The following HES2 variants were observed in gnomAD, a reference collection of about 807,000 sequenced individuals.
The protein encoded by HES2 is transcription factor HES-2.
A neutral mutation model predicts 11.9 loss-of-function variants in HES2; 11 were observed. The observed-to-expected ratio is 0.92, with a 90% CI of 0.58 to 1.53. HES2 has a LOEUF of 1.53. Among genes scored for constraint, HES2 ranks in the 40% most tolerant of loss-of-function variants. The pLI is 0.00. For synonymous variants in HES2, 125 were observed against 122.8 expected (o/e 1.02, Z -0.12); for missense variants, 260 against 253.8 (o/e 1.02, Z -0.16).
chr1:6,419,578 C>A lies in HES2; in HGVS notation c.141+29G>T. On this transcript the variant is annotated intron_variant, in intron 2 of 3. Transcript: ENST00000377834. The surrounding 1 kb of genome is among the most constrained non-coding windows in gnomAD (Gnocchi z 8.1). ...CCTGCCCCCGCTCCGCGCCCCAGGA[C>A]CCTCTGCCCTCCGCCCGGGCGCGCT... 4.0e-6 allele frequency: 6 copies of A among 1,511,870 alleles called. No homozygotes were observed. Among genetic ancestry groups the A allele is most frequent in the Non-Finnish European group, 5.3e-6 (6 of 1,129,782 alleles). The allele number at this position is 1,511,870 out of a possible 1,614,324, so 93.7% of individuals were successfully genotyped here.
chr1:6,417,145 C>T lies in HES2; in HGVS notation c.*1728G>A, dbSNP rs146200604. ...CTCCGGGAGCTTACAGTCTAACCCT[C>T]TGGGCACAGGGAGGTGGGAAGATGG... On this transcript the variant is annotated 3_prime_UTR_variant, in exon 4 of 4. Coordinates refer to ENST00000377834, the MANE Select transcript of HES2 (RefSeq NM_019089.5). The T allele has an allele frequency of 6.6e-6, 1 of 152,422 alleles. No individual in the cohort carries two copies. The highest frequency in any genetic ancestry group is 2.1e-4 in the South Asian group (1 of 4,826). 9.4% of individuals were successfully genotyped at this position (152,422 alleles called of 1,614,324 possible).
rs1642886127 is a variant in HES2, at chr1:6,419,442, G to A, written c.142-102C>T. On this transcript the variant is annotated intron_variant, in intron 2 of 3. Coordinates refer to ENST00000377834, the MANE Select transcript of HES2 (RefSeq NM_019089.5). This position sits in a 1 kb window ranked among gnomAD's most constrained non-coding sequence, Gnocchi z 8.1. ...TCTAGTCGGGAGCTGGGTGTGGGGCGCGCCGTGGCCTGCTGGGGGTCCGCT... is the reference window on the plus strand; with the variant it reads ...TCTAGTCGGGAGCTGGGTGTGGGGCACGCCGTGGCCTGCTGGGGGTCCGCT... 4 of 1,221,080 alleles carry A rather than the reference G, an allele frequency of 3.3e-6. No homozygotes were observed. Among genetic ancestry groups the A allele is most frequent in the Non-Finnish European group, 4.6e-6 (4 of 877,262 alleles). The allele number at this position is 1,221,080 out of a possible 1,614,324, so 75.6% of individuals were successfully genotyped here.
chr1:6,419,779 G>C lies in HES2; in HGVS notation c.42C>G (p.Arg14=), dbSNP rs1209903681. The stretch of plus-strand genomic sequence containing the variant: ...GCCCCCAGTCCCCGGTACCCACCTT[G>C]CGCAGCTCCGCCGCGTCCCCTGCCC... ...PRRAGDAAEL[R]KSLKPLLEKR... is the part of the protein sequence containing the mutation. Residue 14 remains arginine, a synonymous_variant, in exon 1 of 4, where the codon CGC becomes CGG. Coordinates refer to ENST00000377834, the MANE Select transcript of HES2 (RefSeq NM_019089.5). This position sits in a 1 kb window ranked among gnomAD's most constrained non-coding sequence, Gnocchi z 8.1. The C allele has an allele frequency of 6.4e-7, 1 of 1,560,942 alleles. No individual in the cohort carries two copies. The highest frequency in any genetic ancestry group is 1.4e-5 in the African/African-American group (1 of 71,842).
rs899008583 is a variant in HES2, at chr1:6,416,171, C to G, written c.*2702G>C. 1 of 152,276 alleles carries G rather than the reference C, an allele frequency of 6.6e-6. No individual in the cohort carries two copies. The highest frequency in any genetic ancestry group is 2.4e-5 in the African/African-American group (1 of 41,470). The allele number at this position is 152,276 out of a possible 1,614,324, so 9.4% of individuals were successfully genotyped here. On this transcript the variant is annotated 3_prime_UTR_variant, in exon 4 of 4. Coordinates refer to ENST00000377834, the MANE Select transcript of HES2 (RefSeq NM_019089.5). ...CACATGGAGTCACAGAACCATCTTG[C>G]AACAGCATCCCAAGACCTGGCCATT...
rs1390445825 is a variant in HES2 at position 6,418,385 on chromosome 1, G to T, written c.*488C>A. 6.4e-6 allele frequency: 1 copy of T among 156,082 alleles called. No homozygotes were observed. 9.7% of individuals were successfully genotyped at this position (156,082 alleles called of 1,614,324 possible). A position where few individuals can be genotyped will look rare whatever the true frequency, so the allele number is the denominator to read the frequency against. ...GCCCTGGAAGTGACCAGAGCCCTTAGGCTACTGCTGCTGCATGCCCAGAGG... is the reference window on the plus strand; with the variant it reads ...GCCCTGGAAGTGACCAGAGCCCTTATGCTACTGCTGCTGCATGCCCAGAGG... On this transcript the variant is annotated 3_prime_UTR_variant, in exon 4 of 4. Coordinates refer to ENST00000377834, the MANE Select transcript of HES2 (RefSeq NM_019089.5).
chr1:6,418,872 G>T lies in HES2; in HGVS notation c.*1C>A. ...GCAGGGTCTGTGGATCGGCCGAGGG[G>T]CTACCACGGCCGCCAGAGGCCAGGG... On this transcript the variant is annotated 3_prime_UTR_variant, in exon 4 of 4. Transcript: ENST00000377834. 7.7e-7 allele frequency: 1 copy of T among 1,306,780 alleles called. No individual in the cohort carries two copies. Among genetic ancestry groups the T allele is most frequent in the Non-Finnish European group, 9.7e-7 (1 of 1,034,684 alleles). 80.9% of individuals were successfully genotyped at this position (1,306,780 alleles called of 1,614,324 possible).
Position 6,415,611 on chromosome 1 carries a change from C to T in HES2, c.*3262G>A, listed in dbSNP as rs1258342913. ...GCAGCCCAGTCTTTATCCTCACTCA[C>T]GTGGAAATGAGATTCGACCTCTCCT... On this transcript the variant is annotated 3_prime_UTR_variant, in exon 4 of 4. Coordinates refer to ENST00000377834, the MANE Select transcript of HES2 (RefSeq NM_019089.5). 1 of 152,056 alleles carries T rather than the reference C, an allele frequency of 6.6e-6. No individual in the cohort carries two copies. Among genetic ancestry groups the T allele is most frequent in the Non-Finnish European group, 1.5e-5 (1 of 68,028 alleles). The allele number at this position is 152,056 out of a possible 1,614,324, so 9.4% of individuals were successfully genotyped here.
In HES2 at chr1:6,418,909, C is replaced by A; in HGVS notation, c.486G>T (p.Ser162=). 1 of 1,315,634 alleles carries A rather than the reference C, an allele frequency of 7.6e-7. No individual in the cohort carries two copies. 81.5% of individuals were successfully genotyped at this position (1,315,634 alleles called of 1,614,324 possible). A position where few individuals can be genotyped will look rare whatever the true frequency, so the allele number is the denominator to read the frequency against. The change falls in exon 4 of 4, where the codon TCG becomes TCT. Residue 162 remains serine (S), a synonymous_variant. Coordinates refer to ENST00000377834, the MANE Select transcript of HES2 (RefSeq NM_019089.5). The part of the protein sequence containing the change: ...PASAPVPSPP[S]PPCGPGLWRP... Reference sequence around the variant, plus strand: ...GCCAGAGGCCAGGGCCGCAGGGAGGCGAGGGCGGCGAGGGCACCGGAGCGG... The same window carrying A: ...GCCAGAGGCCAGGGCCGCAGGGAGGAGAGGGCGGCGAGGGCACCGGAGCGG...
rs779921607 is a variant in HES2 at position 6,417,442 on chromosome 1, G to A, written c.*1431C>T. The A allele has an allele frequency of 1.3e-5, 2 of 151,024 alleles. No individual in the cohort carries two copies. Among genetic ancestry groups the A allele is most frequent in the Non-Finnish European group, 2.9e-5 (2 of 67,956 alleles). 9.4% of individuals were successfully genotyped at this position (151,024 alleles called of 1,614,324 possible). On this transcript the variant is annotated 3_prime_UTR_variant, in exon 4 of 4. Coordinates refer to ENST00000377834, the MANE Select transcript of HES2 (RefSeq NM_019089.5). Reference sequence around the variant, plus strand: ...CTTAGCCATGAAATGACGGGTGTTTGCCTGACTATGATTTCATGAATCCCC... The same window carrying A: ...CTTAGCCATGAAATGACGGGTGTTTACCTGACTATGATTTCATGAATCCCC...
chr1:6,419,019 C>A lies in HES2; in HGVS notation c.376G>T (p.Ala126Ser). The A allele has an allele frequency of 3.5e-6, 5 of 1,425,274 alleles. No homozygotes were observed. Among genetic ancestry groups the A allele is most frequent in the South Asian group, 1.5e-5 (1 of 67,652 alleles). The allele number at this position is 1,425,274 out of a possible 1,614,324, so 88.3% of individuals were successfully genotyped here. A position where few individuals can be genotyped will look rare whatever the true frequency, so the allele number is the denominator to read the frequency against. Residue 126 changes from alanine (A) to serine (S), a missense_variant, in exon 4 of 4, where the codon GCC becomes TCC. Ala to Ser is a moderately conservative substitution (Grantham distance 99). Transcript: ENST00000377834. This position sits in a 1 kb window ranked among gnomAD's most constrained non-coding sequence, Gnocchi z 8.1. ...CCAGCGCGCCCGCCGTCCAGGGTGG[C>A]GCTGGCCGCTCTCCGCCACAGGTGC... ...LEHLWRRAAS[A>S]TLDGGRAGDS...
rs1642891475 is a variant in HES2, at chr1:6,419,802, C to A, written c.19G>T (p.Ala7Ser). 4 of 1,562,758 alleles carry A rather than the reference C, an allele frequency of 2.6e-6. No homozygotes were observed. In the African/African-American group the frequency reaches 4.2e-5, roughly 16 times the overall value. MGLPRR[A>S]GDAAELRKSL... ...TTGCGCAGCTCCGCCGCGTCCCCTGCCCGGCGAGGCAGCCCCATGCTCCGC... is the reference window on the plus strand; with the variant it reads ...TTGCGCAGCTCCGCCGCGTCCCCTGACCGGCGAGGCAGCCCCATGCTCCGC... The change falls in exon 1 of 4, where the codon GCA becomes TCA. Residue 7 changes from alanine to serine, a missense_variant. By Grantham distance (99) the Ala-to-Ser change is moderately conservative (BLOSUM62 1). Transcript: ENST00000377834. This position sits in a 1 kb window ranked among gnomAD's most constrained non-coding sequence, Gnocchi z 8.1.
At position 6,419,516 on chromosome 1, in the gene HES2, C is replaced by T. The variant is rs1642887021; in HGVS notation, c.141+91G>A. ...CTCCGCCTCGGGCGCCGCGCGGAAC[C>T]CCCTGGTGGGTTCCTCCCGCAGGAG... On this transcript the variant is annotated intron_variant, in intron 2 of 3. Transcript: ENST00000377834. This position sits in a 1 kb window ranked among gnomAD's most constrained non-coding sequence, Gnocchi z 8.1. The T allele has an allele frequency of 7.7e-7, 1 of 1,290,492 alleles. No individual in the cohort carries two copies. The highest frequency in any genetic ancestry group is 2.7e-5 in the East Asian group (1 of 36,666). The allele number at this position is 1,290,492 out of a possible 1,614,324, so 79.9% of individuals were successfully genotyped here.
rs1310930933 is a variant in HES2, at chr1:6,416,140, G to A, written c.*2733C>T. The stretch of plus-strand genomic sequence containing the variant: ...TTTTCCCCAGCTGGGGCAATCATCA[G>A]ACAGTCACATGGAGTCACAGAACCA... On this transcript the variant is annotated 3_prime_UTR_variant, in exon 4 of 4. Transcript: ENST00000377834. 1 of 152,244 alleles carries A rather than the reference G, an allele frequency of 6.6e-6. No individual in the cohort carries two copies. The allele number at this position is 152,244 out of a possible 1,614,324, so 9.4% of individuals were successfully genotyped here. A position where few individuals can be genotyped will look rare whatever the true frequency, so the allele number is the denominator to read the frequency against.
Position 6,418,089 on chromosome 1 carries a change from C to T in HES2, c.*784G>A, listed in dbSNP as rs1354294403. 1.3e-5 allele frequency: 2 copies of T among 152,312 alleles called. No individual in the cohort carries two copies. The highest frequency in any genetic ancestry group is 6.5e-5 in the Admixed American group (1 of 15,290). 9.4% of individuals were successfully genotyped at this position (152,312 alleles called of 1,614,324 possible). A position where few individuals can be genotyped will look rare whatever the true frequency, so the allele number is the denominator to read the frequency against. ...GAGTCAGATCCTCCAAAGCCACAAGCTTCCTTGAGGCCACGGGGCCGCCTC... is the reference window on the plus strand; with the variant it reads ...GAGTCAGATCCTCCAAAGCCACAAGTTTCCTTGAGGCCACGGGGCCGCCTC... On this transcript the variant is annotated 3_prime_UTR_variant, in exon 4 of 4. Transcript: ENST00000377834.
Position 6,419,007 on chromosome 1 carries a change from C to T in HES2, c.388G>A (p.Gly130Ser), listed in dbSNP as rs1642880071. ...CCACTGGAATCCCCAGCGCGCCCGCCGTCCAGGGTGGCGCTGGCCGCTCTC... is the reference window on the plus strand; with the variant it reads ...CCACTGGAATCCCCAGCGCGCCCGCTGTCCAGGGTGGCGCTGGCCGCTCTC... ...WRRAASATLDGGRAGDSSGPS... is the reference protein window; with the variant it reads ...WRRAASATLDSGRAGDSSGPS... The change falls in exon 4 of 4, where the codon GGC (glycine) becomes AGC (serine). Residue 130 changes from glycine (G) to serine (S), a missense_variant. By Grantham distance (56) the Gly-to-Ser change is moderately conservative. Coordinates refer to ENST00000377834, the MANE Select transcript of HES2 (RefSeq NM_019089.5). This position sits in a 1 kb window ranked among gnomAD's most constrained non-coding sequence, Gnocchi z 8.1. 1.5e-6 allele frequency: 2 copies of T among 1,374,712 alleles called. No homozygotes were observed. Among genetic ancestry groups the T allele is most frequent in the African/African-American group, 1.5e-5 (1 of 65,384 alleles). 85.2% of individuals were successfully genotyped at this position (1,374,712 alleles called of 1,614,324 possible).
rs1269602842 is a variant in HES2, at chr1:6,416,177, C to T, written c.*2696G>A. ...GAGTCACAGAACCATCTTGCAACAGCATCCCAAGACCTGGCCATTGGGCAG... is the reference window on the plus strand; with the variant it reads ...GAGTCACAGAACCATCTTGCAACAGTATCCCAAGACCTGGCCATTGGGCAG... On this transcript the variant is annotated 3_prime_UTR_variant, in exon 4 of 4. Transcript: ENST00000377834. 1 of 152,282 alleles carries T rather than the reference C, an allele frequency of 6.6e-6. No individual in the cohort carries two copies. Among genetic ancestry groups the T allele is most frequent in the African/African-American group, 2.4e-5 (1 of 41,464 alleles). 9.4% of individuals were successfully genotyped at this position (152,282 alleles called of 1,614,324 possible). A position where few individuals can be genotyped will look rare whatever the true frequency, so the allele number is the denominator to read the frequency against.
Position 6,416,677 on chromosome 1 carries a change from G to C in HES2, c.*2196C>G, listed in dbSNP as rs901713520. The C allele has an allele frequency of 1.3e-5, 2 of 152,430 alleles. No individual in the cohort carries two copies. The highest frequency in any genetic ancestry group is 4.8e-5 in the African/African-American group (2 of 41,468). The allele number at this position is 152,430 out of a possible 1,614,324, so 9.4% of individuals were successfully genotyped here. ...GACTCTCAGAAGCAAGAGGTGGCAAGCATGGCGGAGAGGAAGCGAGGGTCC... is the reference window on the plus strand; with the variant it reads ...GACTCTCAGAAGCAAGAGGTGGCAACCATGGCGGAGAGGAAGCGAGGGTCC... On this transcript the variant is annotated 3_prime_UTR_variant, in exon 4 of 4. Transcript: ENST00000377834.
At position 6,415,347 on chromosome 1, in the gene HES2, C is replaced by T. The variant is rs1045438780; in HGVS notation, c.*3526G>A. 3.3e-5 allele frequency: 5 copies of T among 151,704 alleles called. No individual in the cohort carries two copies. Among genetic ancestry groups the T allele is most frequent in the African/African-American group, 9.7e-5 (4 of 41,230 alleles). The allele number at this position is 151,704 out of a possible 1,614,324, so 9.4% of individuals were successfully genotyped here. On this transcript the variant is annotated 3_prime_UTR_variant, in exon 4 of 4. Transcript: ENST00000377834. ...CAAGTCTATTGGCAACATTTTCCCA[C>T]GAGCATGTGCCCACTTTGTATCTGT... is the stretch of plus-strand genomic sequence containing the variant.
chr1:6,419,846 G>T lies in HES2; in HGVS notation c.-26C>A. On this transcript the variant is annotated 5_prime_UTR_variant, in exon 1 of 4. Coordinates refer to ENST00000377834, the MANE Select transcript of HES2 (RefSeq NM_019089.5). The surrounding 1 kb of genome is among the most constrained non-coding windows in gnomAD (Gnocchi z 8.1). ...GCTCCGCGGGGAAGCGGTGGCAGCTGCGAGCCCCACGCAAAGGGAAACCGA... is the reference window on the plus strand; with the variant it reads ...GCTCCGCGGGGAAGCGGTGGCAGCTTCGAGCCCCACGCAAAGGGAAACCGA... 2 of 1,529,870 alleles carry T rather than the reference G, an allele frequency of 1.3e-6. No individual in the cohort carries two copies. The highest frequency in any genetic ancestry group is 2.7e-5 in the East Asian group (1 of 37,594). 94.8% of individuals were successfully genotyped at this position (1,529,870 alleles called of 1,614,324 possible).
Sources: gnomAD v4.1 joint callset for allele counts on GRCh38, gnomAD v4.1.1 for gene constraint, Gnocchi (gnomAD v3.1) non-coding constraint, MANE v1.5 for transcripts, NCBI Gene and HGNC (gene_info 2026-07-23, HGNC 2026-07-21) for gene names.